The following PCDHA5 variants were observed in gnomAD, a reference collection of about 807,000 sequenced individuals.
PCDHA5 encodes protocadherin alpha 5.
A neutral mutation model predicts 61.6 loss-of-function variants in PCDHA5; 43 were observed. The observed-to-expected ratio is 0.70, with a 90% CI of 0.55 to 0.90. The LOEUF is 0.90. Ranked by LOEUF, PCDHA5 falls within the 40% of genes least tolerant of loss-of-function variation. The pLI is 0.00. For missense variants in PCDHA5, 1,298 were observed against 1,222.7 expected (o/e 1.06, Z -0.92); for synonymous variants, 627 against 543.9 (o/e 1.15, Z -2.13).
chr5:140,829,339 G>A (rs1770234553), intron 1 of PCDHA5: 1 of 1,614,278 alleles, frequency 6.2e-7, no homozygotes, highest in Non-Finnish European at 8.5e-7. Flanking sequence ...TGGACCGCGA[G>A]AGCGTGTCGG....
At chr5:140,874,680 T>C (rs1018074001) in intron 1 of PCDHA5, among the ~76,000 whole-genome samples, 1 of 152,258 alleles carries the variant, frequency 6.6e-6, no homozygotes, top group Non-Finnish European at 1.5e-5. Flanking sequence ...TCCTGAGATT[T>C]GTTTTAACAT....
Position 140,882,649 on chromosome 5 carries a change from C to G in PCDHA5, c.2352+58522C>G, listed in dbSNP as rs559940161. The G allele has an allele frequency of 3.7e-6, 6 of 1,614,096 alleles. No homozygotes were observed. In the Admixed American group the frequency reaches 1.0e-4, roughly 27 times the overall value. On this transcript the variant is annotated intron_variant, in intron 1 of 3. Coordinates refer to ENST00000529859, the MANE Select transcript of PCDHA5 (RefSeq NM_018908.3). ...TGGAGGTGAAGGTGAGGGACATTAACGACAACCCGCCCATATTCCCTGAAA... is the reference window on the plus strand; with the variant it reads ...TGGAGGTGAAGGTGAGGGACATTAAGGACAACCCGCCCATATTCCCTGAAA...
At chr5:140,863,397 C>T in intron 1 of PCDHA5, 1 of 873,170 alleles carries the variant, frequency 1.1e-6, no homozygotes, top group Admixed American at 1.9e-5. Flanking sequence ...GCATGCCGGG[C>T]AAGCCCACGC....
At chr5:140,883,476 A>G (rs782692069) in intron 1 of PCDHA5, 7 of 1,614,082 alleles carry the variant, frequency 4.3e-6, no homozygotes, top group Admixed American at 3.3e-5. Flanking sequence ...ACCTACAAGA[A>G]CTACTACTCA....
intron 1 of PCDHA5, among the ~76,000 whole-genome samples, chr5:140,972,662 T>A (rs1188844189): frequency 1.5e-4 from 8 of 54,766 alleles, no homozygotes; most frequent in African/African-American, 8.1e-4. Context: ...GAAACCAAAT[T>A]TTTTTTTTTT....
chr5:140,876,536 TG>T (rs781943442), intron 1 of PCDHA5: 1 of 1,614,238 alleles, frequency 6.2e-7, no homozygotes, highest in South Asian at 1.1e-5. Flanking sequence ...GTTACTTCAC[TG>T]TCGCTCCCTG....
At chr5:140,877,614 G>A (rs2153354451) in intron 1 of PCDHA5, 3 of 1,613,850 alleles carry the variant, frequency 1.9e-6, no homozygotes, top group Middle Eastern at 3.3e-4. Context: ...TGGTGCTCAC[G>A]CTGCTGCTGT....
rs781941183 is a variant in PCDHA5, at chr5:140,884,613, C to T, written c.2352+60486C>T. On this transcript the variant is annotated intron_variant, in intron 1 of 3. Transcript: ENST00000529859. ...CCCAGCCTTCCTCCTTGTCTGGGTT[C>T]TGCAGAGGGAACAGGCCAGAGGGAG... 3 of 1,614,086 alleles carry T rather than the reference C, an allele frequency of 1.9e-6. No individual in the cohort carries two copies. The South Asian group carries it at 3.3e-5, about 18-fold the overall frequency.
intron 1 of PCDHA5, chr5:140,870,967 C>T (rs782808360): frequency 1.9e-6 from 3 of 1,613,648 alleles, no homozygotes; most frequent in Admixed American, 1.7e-5. Context: ...CATCCCGTTC[C>T]GCGTGGGGCT....
In PCDHA5 at chr5:140,857,206, C is replaced by T. The variant is rs1554149659; in HGVS notation, c.2352+33079C>T. On this transcript the variant is annotated intron_variant, in intron 1 of 3. Transcript: ENST00000529859. Reference sequence around the variant, plus strand: ...CAGGAGCCAACGGACAGGTCACCTGCTCTCTGACGCCTCACGTTCCGTTCA... The same window carrying T: ...CAGGAGCCAACGGACAGGTCACCTGTTCTCTGACGCCTCACGTTCCGTTCA... The T allele has an allele frequency of 2.5e-6, 4 of 1,598,614 alleles. No homozygotes were observed. The South Asian group carries it at 3.3e-5, about 13-fold the overall frequency.
chr5:140,969,069 T>G, intron 1 of PCDHA5: 1 of 1,614,160 alleles, frequency 6.2e-7, no homozygotes, highest in Non-Finnish European at 8.5e-7. Flanking sequence ...GATGCCAGGA[T>G]ACCGCATGGC....
At position 140,823,464 on chromosome 5, in the gene PCDHA5, G is replaced by A. The variant is rs543460881; in HGVS notation, c.1689G>A (p.Ala563=). ...TGGACGAGAACGACAACGCGCCGGCGCTGCTGGTGCCTCGAGTGGGTGGCA... is the reference window on the plus strand; with the variant it reads ...TGGACGAGAACGACAACGCGCCGGCACTGCTGGTGCCTCGAGTGGGTGGCA... ...FVLDENDNAP[A]LLVPRVGGTG... The change falls in exon 1 of 4, where the codon GCG becomes GCA. Residue 563 remains alanine (A), a synonymous_variant. Coordinates refer to ENST00000529859, the MANE Select transcript of PCDHA5 (RefSeq NM_018908.3). 1 of 1,613,420 alleles carries A rather than the reference G, an allele frequency of 6.2e-7. No homozygotes were observed. The highest frequency in any genetic ancestry group is 8.5e-7 in the Non-Finnish European group (1 of 1,179,746).
intron 1 of PCDHA5, chr5:140,850,704 C>G (rs2041773068): frequency 1.3e-6 from 2 of 1,598,020 alleles, no homozygotes; most frequent in Admixed American, 3.4e-5. Context: ...GCCTGGCAAG[C>G]CGACGCTGGT....
intron 3 of PCDHA5, among the ~76,000 whole-genome samples, chr5:140,996,163 A>G (rs183777507): frequency 4.8e-4 from 73 of 152,326 alleles, no homozygotes; most frequent in African/African-American, 1.5e-3. Flanking sequence ...TTATACTGCA[A>G]TGTGCTGACA....
chr5:141,010,343 G>C lies in PCDHA5; in HGVS notation c.*406G>C. 1 of 1,518,858 alleles carries C rather than the reference G, an allele frequency of 6.6e-7. No homozygotes were observed. Among genetic ancestry groups the C allele is most frequent in the Admixed American group, 2.1e-5 (1 of 46,514 alleles). 94.1% of individuals were successfully genotyped at this position (1,518,858 alleles called of 1,614,324 possible). A position where few individuals can be genotyped will look rare whatever the true frequency, so the allele number is the denominator to read the frequency against. On this transcript the variant is annotated 3_prime_UTR_variant, in exon 4 of 4. Coordinates refer to ENST00000529859, the MANE Select transcript of PCDHA5 (RefSeq NM_018908.3). ...GCAGCTTGGGAGTTTGTGGCCACTGGGTATGTGTGGCTACCGCGGGTATGC... is the reference window on the plus strand; with the variant it reads ...GCAGCTTGGGAGTTTGTGGCCACTGCGTATGTGTGGCTACCGCGGGTATGC...
intron 1 of PCDHA5, among the ~76,000 whole-genome samples, chr5:140,917,535 T>C (rs2078248743): frequency 3.3e-5 from 5 of 152,278 alleles, no homozygotes; most frequent in South Asian, 4.1e-4. Flanking sequence ...TTGTATAGTT[T>C]TAGGTTTTAC....
rs1353542973 is a variant in PCDHA5 at position 140,828,575 on chromosome 5, G to T, written c.2352+4448G>T. On this transcript the variant is annotated intron_variant, in intron 1 of 3. Coordinates refer to ENST00000529859, the MANE Select transcript of PCDHA5 (RefSeq NM_018908.3). ...ACTGGAGGGCGCGTCCGATGCAGAT[G>T]TTGGCTCAAATTCCATCTTAACCTA... 1.2e-6 allele frequency: 2 copies of T among 1,614,260 alleles called. No homozygotes were observed. The highest frequency in any genetic ancestry group is 1.7e-6 in the Non-Finnish European group (2 of 1,180,044).
At chr5:140,994,785 A>G (rs942763350) in intron 3 of PCDHA5, among the ~76,000 whole-genome samples, 2 of 152,168 alleles carry the variant, frequency 1.3e-5, no homozygotes, top group African/African-American at 4.8e-5. Flanking sequence ...AAAGGAAACA[A>G]TGCGTGCATG....
At chr5:141,001,030 G>A (rs1356604139) in intron 3 of PCDHA5, among the ~76,000 whole-genome samples, 1 of 151,894 alleles carries the variant, frequency 6.6e-6, no homozygotes, top group Non-Finnish European at 1.5e-5. Context: ...TATAATAATA[G>A]CTTTAATTAA....
Sources: allele counts gnomAD v4.1 joint callset (sites outside exome capture counted in the v4.1 genomes callset), GRCh38; gene constraint gnomAD v4.1.1; transcripts MANE v1.5; gene names NCBI Gene and HGNC (gene_info 2026-07-23, HGNC 2026-07-21).